APBB2: variants seen among roughly 807,000 people sequenced by gnomAD.
APBB2 encodes the protein Fe65-like 1.
APBB2 carries 38 observed loss-of-function variants against 82.5 expected under a neutral mutation model. The observed-to-expected ratio is 0.46, with a 90% CI of 0.36 to 0.60. APBB2 has a LOEUF of 0.60. Among genes scored for constraint, APBB2 ranks in the 20% least tolerant of loss-of-function variants. APBB2 has a pLI of 0.00. For missense variants in APBB2, 772 were observed against 972.3 expected, an observed-to-expected ratio of 0.79 and a Z score of 2.74; for synonymous variants, 341 against 368.2, an observed-to-expected ratio of 0.93 and a Z score of 0.85.
chr4:41,042,630 AG>A (rs1430635171), intron 4 of APBB2, among the ~76,000 whole-genome samples: 1 of 152,070 alleles, frequency 6.6e-6, no homozygotes, highest in African/African-American at 2.4e-5. Context: ...GCCTGTTGGA[AG>A]GGTGTTGGGA....
chr4:41,037,713 T>C (rs1318126570), intron 4 of APBB2, among the ~76,000 whole-genome samples: 2 of 152,136 alleles, frequency 1.3e-5, no homozygotes, highest in African/African-American at 4.8e-5. Flanking sequence ...CTAGAGAATG[T>C]AGACAAATTC....
chr4:41,200,094 T>A (rs569007893), intron 1 of APBB2, among the ~76,000 whole-genome samples: 149 of 152,174 alleles, frequency 9.8e-4, no homozygotes, highest in Non-Finnish European at 1.7e-3. Flanking sequence ...CACAACTAAA[T>A]GAATATATTA....
intron 6 of APBB2, 28 bp from the exon 7 acceptor site, chr4:40,945,101 G>GCC: frequency 1.4e-6 from 1 of 738,546 alleles, no homozygotes; most frequent in Non-Finnish European, 2.3e-6. Context: ...GGGGCGGGGG[G>GCC]AGAAAGAGAG....
At chr4:40,830,421 A>G (rs1441825891) in intron 13 of APBB2, 42 bp downstream of exon 13, 3 of 1,415,044 alleles carry the variant, frequency 2.1e-6, no homozygotes, top group African/African-American at 2.8e-5. Flanking sequence ...TGCAGCAAGA[A>G]AAAAAGAGAG....
At chr4:40,825,187 C>G (rs1335397694) in intron 15 of APBB2, among the ~76,000 whole-genome samples, 1 of 152,212 alleles carries the variant, frequency 6.6e-6, no homozygotes, top group Non-Finnish European at 1.5e-5. Flanking sequence ...CATTTGCATA[C>G]ACGTTTTTGC....
intron 1 of APBB2, among the ~76,000 whole-genome samples, chr4:41,201,331 A>G (rs1776646879): frequency 6.6e-6 from 1 of 152,246 alleles, no homozygotes; most frequent in South Asian, 2.1e-4. Flanking sequence ...GAGGGGAGAC[A>G]GGTAAGAATA....
chr4:41,188,198 T>C (rs947262793), intron 1 of APBB2, among the ~76,000 whole-genome samples: 2 of 152,136 alleles, frequency 1.3e-5, no homozygotes, highest in African/African-American at 4.8e-5. Flanking sequence ...TTTGCCATCA[T>C]GAAGGTGAGA....
intron 6 of APBB2, among the ~76,000 whole-genome samples, chr4:40,982,378 GGAAGGAAGGAA>G (rs1393638751): frequency 8.1e-5 from 1 of 12,350 alleles, no homozygotes; most frequent in Non-Finnish European, 1.4e-4. Flanking sequence ...AAGGAAGGAA[GGAAGGAAGGAA>G]GGAAAGGAAA....
chr4:41,035,681 C>T (rs113730058), intron 4 of APBB2, among the ~76,000 whole-genome samples: 9 of 152,294 alleles, frequency 5.9e-5, no homozygotes, highest in East Asian at 1.9e-4. Context: ...GTTGGCCCTC[C>T]GTATCCTCGG....
chr4:41,114,777 AC>A (rs1451898854), intron 2 of APBB2, among the ~76,000 whole-genome samples: 1 of 152,186 alleles, frequency 6.6e-6, no homozygotes. Flanking sequence ...GATGTGAAGG[AC>A]CCCTTCAAGG....
chr4:40,904,379 C>T (rs1198478579), intron 10 of APBB2, among the ~76,000 whole-genome samples: 2 of 151,732 alleles, frequency 1.3e-5, no homozygotes, highest in African/African-American at 2.4e-5. Flanking sequence ...TGCAGTAAGC[C>T]GAGATGGCGC....
At chr4:41,046,860 C>T (rs1303420587) in intron 4 of APBB2, among the ~76,000 whole-genome samples, 2 of 152,194 alleles carry the variant, frequency 1.3e-5, no homozygotes, top group African/African-American at 2.4e-5. Flanking sequence ...GTAACACGGC[C>T]TTTCTGAAAG....
At chr4:40,870,667 C>T (rs180839425) in intron 12 of APBB2, among the ~76,000 whole-genome samples, 263 of 152,136 alleles carry the variant, frequency 1.7e-3, no homozygotes, top group South Asian at 5.4e-3. Context: ...GTCCTAATCC[C>T]TGGAACCTGC....
chr4:41,124,611 T>A (rs917160478), intron 2 of APBB2, among the ~76,000 whole-genome samples: 6 of 152,198 alleles, frequency 3.9e-5, no homozygotes, highest in African/African-American at 1.4e-4. Flanking sequence ...AGTTTGCTGA[T>A]CTCTGGTTTA....
chr4:40,893,679 C>T (rs911555507), intron 10 of APBB2, among the ~76,000 whole-genome samples: 6 of 152,118 alleles, frequency 3.9e-5, no homozygotes, highest in Non-Finnish European at 7.4e-5. Flanking sequence ...TACTAGAAGG[C>T]CAGGTGCGGT....
At chr4:40,895,297 G>T (rs1773352579) in intron 10 of APBB2, among the ~76,000 whole-genome samples, 1 of 152,226 alleles carries the variant, frequency 6.6e-6, no homozygotes, top group South Asian at 2.1e-4. Flanking sequence ...CTCTGCTGAT[G>T]GTGCACAAGG....
chr4:40,845,543 G>C (rs1757220067), intron 12 of APBB2, among the ~76,000 whole-genome samples: 1 of 124,452 alleles, frequency 8.0e-6, no homozygotes, highest in Non-Finnish European at 1.6e-5. Flanking sequence ...AATAACAGAA[G>C]TACCTGGCAT....
intron 10 of APBB2, among the ~76,000 whole-genome samples, chr4:40,927,393 C>T (rs985525345): frequency 2.0e-5 from 3 of 152,116 alleles, no homozygotes; most frequent in Non-Finnish European, 4.4e-5. Flanking sequence ...AACTCTATGA[C>T]TCATTTTTCT....
At chr4:41,206,690 G>A (rs758467680) in intron 1 of APBB2, among the ~76,000 whole-genome samples, 1 of 152,178 alleles carries the variant, frequency 6.6e-6, no homozygotes, top group Non-Finnish European at 1.5e-5. Context: ...AAATGTCAAG[G>A]AAATTTTAAC....
Sources: gnomAD v4.1 joint callset for allele counts (sites outside exome capture counted in the v4.1 genomes callset) on GRCh38, gnomAD v4.1.1 for gene constraint, MANE v1.5 for transcripts, NCBI Gene and HGNC (gene_info 2026-07-23, HGNC 2026-07-21) for gene names.